IGSF10: variants seen among roughly 807,000 people sequenced by gnomAD.
IGSF10 encodes calvaria mechanical force protein 608.
Under a neutral mutation model 128.2 loss-of-function variants are expected in IGSF10, and 126 were observed. That is an observed-to-expected ratio of 0.98 (90% confidence interval 0.85 to 1.14). The LOEUF is 1.14. Among genes scored for constraint, IGSF10 ranks in the 50% most tolerant of loss-of-function variants. The pLI, the probability that IGSF10 is intolerant of heterozygous loss-of-function variation, is 0.00. For synonymous variants in IGSF10, 1,185 were observed against 1,146.2 expected (o/e 1.03, Z -0.68); for missense variants, 3,295 against 3,149.8 (o/e 1.05, Z -1.10).
chr3:151,514,161 C>A, the IGSF10 span, among the ~76,000 whole-genome samples: 3 of 151,998 alleles, frequency 2.0e-5, no homozygotes, highest in Non-Finnish European at 4.4e-5. Flanking sequence ...CCCGCATTGC[C>A]AAGTCAATCC....
At chr3:151,550,021 C>T in the IGSF10 span, among the ~76,000 whole-genome samples, 7 of 151,782 alleles carry the variant, frequency 4.6e-5, no homozygotes, top group Non-Finnish European at 1.0e-4. Flanking sequence ...GGGTAAAATC[C>T]TGGAAATATT....
chr3:151,582,087 T>G, the IGSF10 span, among the ~76,000 whole-genome samples: 1 of 151,708 alleles, frequency 6.6e-6, no homozygotes, highest in South Asian at 2.1e-4. Flanking sequence ...AAAACAAAAA[T>G]ATACCATTAT....
the IGSF10 span, among the ~76,000 whole-genome samples, chr3:151,526,874 A>G: frequency 6.6e-6 from 1 of 152,116 alleles, no homozygotes; most frequent in East Asian, 1.9e-4. Flanking sequence ...ATGTGTGCAC[A>G]CTGGAGAGGC....
chr3:151,538,217 T>C, the IGSF10 span, among the ~76,000 whole-genome samples: 1 of 152,198 alleles, frequency 6.6e-6, no homozygotes, highest in Non-Finnish European at 1.5e-5. Context: ...CTTAGAATTG[T>C]GATGGGTCAC....
At chr3:151,485,417 A>T in the IGSF10 span, among the ~76,000 whole-genome samples, 1 of 152,092 alleles carries the variant, frequency 6.6e-6, no homozygotes, top group African/African-American at 2.4e-5. Flanking sequence ...ATCTAGCAAG[A>T]TGGCCAACAT....
the IGSF10 span, among the ~76,000 whole-genome samples, chr3:151,524,680 T>G: frequency 6.6e-6 from 1 of 152,176 alleles, no homozygotes; most frequent in African/African-American, 2.4e-5. Flanking sequence ...TATTGGGTAC[T>G]GGGCTTAATA....
At chr3:151,442,016 C>A (rs575093276) in intron 7 of IGSF10, among the ~76,000 whole-genome samples, 99 of 152,286 alleles carry the variant, frequency 6.5e-4, no homozygotes, top group Non-Finnish European at 1.1e-3. Context: ...AGCAGAGATC[C>A]TGCCACTGCA....
chr3:151,501,795 T>C, the IGSF10 span, among the ~76,000 whole-genome samples: 1 of 152,142 alleles, frequency 6.6e-6, no homozygotes, highest in African/African-American at 2.4e-5. Context: ...TTCACAAACA[T>C]GCTTCCTTGA....
chr3:151,501,475 G>A, the IGSF10 span, among the ~76,000 whole-genome samples: 3,498 of 152,044 alleles, frequency 0.023, 100 homozygotes, highest in East Asian at 0.062. Flanking sequence ...TTAAAAAATG[G>A]TACCCGAGAT....
At chr3:151,590,855 T>C in the IGSF10 span, among the ~76,000 whole-genome samples, 8 of 152,290 alleles carry the variant, frequency 5.3e-5, no homozygotes, top group African/African-American at 1.9e-4. Context: ...ACTAAGAATA[T>C]TGTGGTAAAT....
At chr3:151,510,346 C>T in the IGSF10 span, among the ~76,000 whole-genome samples, 1 of 152,182 alleles carries the variant, frequency 6.6e-6, no homozygotes, top group South Asian at 2.1e-4. Flanking sequence ...GCCACTGCTG[C>T]TGATACCCAG....
At chr3:151,463,533 T>TTTTG (rs1722150480), upstream of IGSF10, among the ~76,000 whole-genome samples, 23 of 63,680 alleles carry the variant, frequency 3.6e-4, 3 homozygotes, top group African/African-American at 8.3e-4. Context: ...GTTTTTTTTT[T>TTTTG]TTTTTTTTTT....
chr3:151,551,600 A>G, the IGSF10 span, among the ~76,000 whole-genome samples: 1 of 152,082 alleles, frequency 6.6e-6, no homozygotes, highest in Admixed American at 6.6e-5. Context: ...GATGTCAAAT[A>G]CAAGAAATAA....
the IGSF10 span, among the ~76,000 whole-genome samples, chr3:151,608,558 C>A: frequency 2.6e-5 from 4 of 152,244 alleles, no homozygotes; most frequent in South Asian, 4.2e-4. Context: ...ATCTTTCCAC[C>A]ACTTACTCTC....
chr3:151,593,836 T>A, the IGSF10 span, among the ~76,000 whole-genome samples: 3 of 152,192 alleles, frequency 2.0e-5, no homozygotes, highest in Admixed American at 6.5e-5. Context: ...AAAACCTTTT[T>A]TTAATAAATT....
chr3:151,519,742 G>A, the IGSF10 span, among the ~76,000 whole-genome samples: 1 of 151,748 alleles, frequency 6.6e-6, no homozygotes, highest in Non-Finnish European at 1.5e-5. Flanking sequence ...AAAATGACTA[G>A]TTTTGATTGC....
At chr3:151,450,895 C>A (rs1479819267) in intron 5 of IGSF10, among the ~76,000 whole-genome samples, 108 of 55,344 alleles carry the variant, frequency 2.0e-3, no homozygotes, top group South Asian at 5.5e-3. Flanking sequence ...AACTCTGTCT[C>A]AAAAAAAAAA....
the IGSF10 span, among the ~76,000 whole-genome samples, chr3:151,603,279 C>T: frequency 6.6e-6 from 1 of 152,168 alleles, no homozygotes; most frequent in Admixed American, 6.5e-5. Flanking sequence ...AGTGACTCAA[C>T]CTTTCTGTGC....
the IGSF10 span, among the ~76,000 whole-genome samples, chr3:151,577,654 A>T: frequency 6.8e-6 from 1 of 147,904 alleles, no homozygotes; most frequent in Non-Finnish European, 1.5e-5. Flanking sequence ...CAACACCAAT[A>T]AAAAAAAAAT....
Sources: allele counts gnomAD v4.1 joint callset (sites outside exome capture counted in the v4.1 genomes callset), GRCh38; gene constraint gnomAD v4.1.1; transcripts MANE v1.5; gene names NCBI Gene and HGNC (gene_info 2026-07-23, HGNC 2026-07-21).